TGFBR3: variants seen among roughly 807,000 people sequenced by gnomAD.
TGFBR3 encodes transforming growth factor beta receptor 3.
A neutral mutation model predicts 87.9 loss-of-function variants in TGFBR3; 46 were observed. The observed-to-expected ratio is 0.52, with a 90% CI of 0.41 to 0.67. The LOEUF is 0.67. Ranked by LOEUF, TGFBR3 falls within the 30% of genes least tolerant of loss-of-function variation. The probability of loss-of-function intolerance (pLI) is 0.00; values close to 1 mark genes in which losing one functional copy is unlikely to be tolerated. For missense variants in TGFBR3, 866 were observed against 1,041.9 expected, an observed-to-expected ratio of 0.83 and a Z score of 2.32; for synonymous variants, 381 against 391.6, an observed-to-expected ratio of 0.97 and a Z score of 0.32.
chr1:91,691,569 G>A (rs1314862700), intron 16 of TGFBR3, among the ~76,000 whole-genome samples: 1 of 152,230 alleles, frequency 6.6e-6, no homozygotes, highest in Non-Finnish European at 1.5e-5. Context: ...TTTCAGACAT[G>A]CAAGGTGTGA....
chr1:91,745,773 T>C (rs1673324517), intron 4 of TGFBR3, among the ~76,000 whole-genome samples: 1 of 152,202 alleles, frequency 6.6e-6, no homozygotes, highest in Non-Finnish European at 1.5e-5. Flanking sequence ...CTCAATGCCT[T>C]TTAAAAAAGC....
chr1:91,785,114 G>C (rs1412368659), intron 3 of TGFBR3, among the ~76,000 whole-genome samples: 1 of 152,156 alleles, frequency 6.6e-6, no homozygotes, highest in Non-Finnish European at 1.5e-5. Context: ...ACAAAACATG[G>C]TATAGCCACA....
At chr1:91,740,449 C>A (rs1673125077) in intron 4 of TGFBR3, among the ~76,000 whole-genome samples, 1 of 151,940 alleles carries the variant, frequency 6.6e-6, no homozygotes, top group Admixed American at 6.6e-5. Flanking sequence ...ATTGCAACCT[C>A]CACCTCACGG....
intron 2 of TGFBR3, among the ~76,000 whole-genome samples, chr1:91,835,521 T>G (rs934024664): frequency 2.6e-5 from 4 of 152,036 alleles, no homozygotes; most frequent in African/African-American, 9.7e-5. Flanking sequence ...CCAGATAATC[T>G]CCAAGGATTC....
intron 2 of TGFBR3, among the ~76,000 whole-genome samples, chr1:91,800,492 AGAGT>A (rs1394963787): frequency 6.6e-6 from 1 of 151,156 alleles, no homozygotes; most frequent in Non-Finnish European, 1.5e-5. Flanking sequence ...CCTGGGTGAC[AGAGT>A]GAGACCCTAT....
chr1:91,816,215 T>C (rs1056689597), intron 2 of TGFBR3, among the ~76,000 whole-genome samples: 1 of 152,058 alleles, frequency 6.6e-6, no homozygotes, highest in Admixed American at 6.5e-5. Context: ...CACTTAGTAA[T>C]TAAAAAAGAA....
intron 2 of TGFBR3, among the ~76,000 whole-genome samples, chr1:91,853,577 T>C (rs1677823712): frequency 6.6e-6 from 1 of 152,142 alleles, no homozygotes; most frequent in Admixed American, 6.5e-5. Flanking sequence ...CACAGTGGAA[T>C]ACTATACAGC....
intron 14 of TGFBR3, among the ~76,000 whole-genome samples, 182 bp from the exon 15 acceptor site, chr1:91,698,312 T>A (rs562339038): frequency 6.6e-6 from 1 of 152,144 alleles, no homozygotes; most frequent in Non-Finnish European, 1.5e-5. Flanking sequence ...TTTTAAGCAT[T>A]GCATTTTGTT....
intron 1 of TGFBR3, among the ~76,000 whole-genome samples, chr1:91,879,134 T>C (rs906942611): frequency 6.6e-6 from 1 of 151,892 alleles, no homozygotes; most frequent in Non-Finnish European, 1.5e-5. Context: ...CCAGATGTGG[T>C]GGCCCCCGCC....
intron 3 of TGFBR3, among the ~76,000 whole-genome samples, chr1:91,763,633 C>A (rs1169250968): frequency 6.6e-6 from 1 of 152,208 alleles, no homozygotes; most frequent in Non-Finnish European, 1.5e-5. Context: ...TTAGTAGTAA[C>A]TGAAAACATC....
At chr1:91,690,888 A>G (rs958096067) in intron 16 of TGFBR3, among the ~76,000 whole-genome samples, 7 of 152,186 alleles carry the variant, frequency 4.6e-5, no homozygotes, top group African/African-American at 1.7e-4. Context: ...CATCCCACCC[A>G]CAGCTTAGAA....
intron 4 of TGFBR3, among the ~76,000 whole-genome samples, chr1:91,739,901 G>A (rs1268792396): frequency 6.6e-6 from 1 of 152,176 alleles, no homozygotes; most frequent in Non-Finnish European, 1.5e-5. Flanking sequence ...AAGAGAGGGA[G>A]TGGGTAGGTG....
chr1:91,681,476 G>A lies in TGFBR3; in HGVS notation c.*2263C>T. ...ATTTTAAATTATTTATAAAATCATT[G>A]GCAATGTAGCATCTCTCTTAAAAAT... On this transcript the variant is annotated 3_prime_UTR_variant, in exon 17 of 17. Transcript: ENST00000212355. 5.7e-6 allele frequency: 2 copies of A among 349,300 alleles called. No individual in the cohort carries two copies. The highest frequency in any genetic ancestry group is 1.1e-5 in the Non-Finnish European group (2 of 184,260). 21.6% of individuals were successfully genotyped at this position (349,300 alleles called of 1,614,324 possible). A position where few individuals can be genotyped will look rare whatever the true frequency, so the allele number is the denominator to read the frequency against.
intron 3 of TGFBR3, among the ~76,000 whole-genome samples, chr1:91,781,792 T>G (rs892275462): frequency 6.6e-6 from 1 of 152,144 alleles, no homozygotes; most frequent in Non-Finnish European, 1.5e-5. Flanking sequence ...TTTCCATATT[T>G]GGAAATAGGC....
At chr1:91,768,700 C>T (rs551948762) in intron 3 of TGFBR3, among the ~76,000 whole-genome samples, 2 of 152,292 alleles carry the variant, frequency 1.3e-5, no homozygotes, top group African/African-American at 4.8e-5. Flanking sequence ...TCTGCTTTCC[C>T]TTCGCCTTCT....
At chr1:91,715,419 T>C (rs569983873) in intron 12 of TGFBR3, among the ~76,000 whole-genome samples, 21 of 152,352 alleles carry the variant, frequency 1.4e-4, no homozygotes, top group African/African-American at 4.6e-4. Context: ...ACCAGCTGTG[T>C]GGCCTCAGAC....
chr1:91,851,545 G>A (rs146094976), intron 2 of TGFBR3, among the ~76,000 whole-genome samples: 108 of 152,298 alleles, frequency 7.1e-4, no homozygotes, highest in African/African-American at 2.5e-3. Flanking sequence ...CTCAGAGCTC[G>A]AAGCTCTATG....
At chr1:91,734,268 C>T (rs1441981529) in intron 5 of TGFBR3, among the ~76,000 whole-genome samples, 3 of 152,194 alleles carry the variant, frequency 2.0e-5, no homozygotes, top group African/African-American at 7.2e-5. Context: ...TTGTAATAGT[C>T]ATTTGTACTA....
intron 3 of TGFBR3, among the ~76,000 whole-genome samples, chr1:91,780,716 T>A (rs187042357): frequency 2.4e-3 from 370 of 151,840 alleles, no homozygotes; most frequent in African/African-American, 8.6e-3. Flanking sequence ...TGCGTCACCA[T>A]GCCTGGCTAA....
Sources: gnomAD v4.1 joint callset for allele counts (sites outside exome capture counted in the v4.1 genomes callset) on GRCh38, gnomAD v4.1.1 for gene constraint, MANE v1.5 for transcripts, NCBI Gene and HGNC (gene_info 2026-07-23, HGNC 2026-07-21) for gene names.